The following SUGCT variants were observed in gnomAD, a reference collection of about 807,000 sequenced individuals.
SUGCT encodes succinyl-CoA:glutarate-CoA transferase.
A neutral mutation model predicts 55.0 loss-of-function variants in SUGCT; 41 were observed. The observed-to-expected ratio is 0.74, with a 90% CI of 0.58 to 0.97. SUGCT has a LOEUF of 0.97. Ranked by LOEUF, SUGCT falls within the 50% of genes least tolerant of loss-of-function variation. SUGCT has a pLI of 0.00. For missense variants in SUGCT, 568 were observed against 547.8 expected, an observed-to-expected ratio of 1.04 and a Z score of -0.37; for synonymous variants, 187 against 200.4, an observed-to-expected ratio of 0.93 and a Z score of 0.56.
intron 12 of SUGCT, among the ~76,000 whole-genome samples, chr7:40,634,661 C>T (rs1401309103): frequency 3.3e-5 from 5 of 152,146 alleles, no homozygotes; most frequent in Non-Finnish European, 4.4e-5. Context: ...AGTTTTAAAA[C>T]GCGAGGGAAT....
chr7:40,680,893 C>T (rs1784206849), intron 12 of SUGCT, among the ~76,000 whole-genome samples: 1 of 152,048 alleles, frequency 6.6e-6, no homozygotes, highest in Non-Finnish European at 1.5e-5. Context: ...AGCACCATGT[C>T]CACACTTAAC....
At chr7:40,865,627 C>T (rs1243888934), downstream of SUGCT, among the ~76,000 whole-genome samples, 4 of 152,170 alleles carry the variant, frequency 2.6e-5, no homozygotes, top group Non-Finnish European at 4.4e-5. Context: ...CAGCTTGGGT[C>T]TTGCTGTTGT....
At chr7:40,552,939 C>T (rs977658761) in intron 12 of SUGCT, among the ~76,000 whole-genome samples, 1 of 152,108 alleles carries the variant, frequency 6.6e-6, no homozygotes, top group Non-Finnish European at 1.5e-5. Context: ...TTGCATCTTT[C>T]GTTCCCTATT....
intron 12 of SUGCT, among the ~76,000 whole-genome samples, chr7:40,710,686 T>A (rs940140456): frequency 2.0e-5 from 3 of 152,158 alleles, no homozygotes; most frequent in African/African-American, 7.2e-5. Flanking sequence ...AAAAAAGAGA[T>A]GCTACAACTA....
the SUGCT span, among the ~76,000 whole-genome samples, chr7:40,874,070 A>G: frequency 6.6e-6 from 1 of 152,256 alleles, no homozygotes; most frequent in Admixed American, 6.5e-5. Flanking sequence ...TCTTAAGTAA[A>G]CAAATTTAGT....
chr7:40,773,729 G>A (rs1471720914), intron 13 of SUGCT, among the ~76,000 whole-genome samples: 2 of 152,138 alleles, frequency 1.3e-5, no homozygotes, highest in Non-Finnish European at 2.9e-5. Flanking sequence ...AAGTGTTTTT[G>A]TCATTCCGTT....
chr7:40,395,837 C>T (rs1191988475), intron 9 of SUGCT, among the ~76,000 whole-genome samples: 1 of 152,040 alleles, frequency 6.6e-6, no homozygotes, highest in Non-Finnish European at 1.5e-5. Flanking sequence ...TTATCATTCT[C>T]CTAAAAAAAT....
At chr7:40,789,637 C>A (rs973449112) in intron 13 of SUGCT, among the ~76,000 whole-genome samples, 7 of 152,088 alleles carry the variant, frequency 4.6e-5, no homozygotes, top group African/African-American at 1.7e-4. Flanking sequence ...GATAAATACC[C>A]AGGAGTGGGA....
intron 9 of SUGCT, chr7:40,387,949 G>A (rs1483446244): frequency 6.6e-6 from 1 of 152,146 alleles, no homozygotes; most frequent in Admixed American, 6.5e-5. Flanking sequence ...GCCTGTAAGC[G>A]GATGAGTTGG....
the SUGCT span, among the ~76,000 whole-genome samples, chr7:40,969,790 A>G: frequency 6.6e-6 from 1 of 152,180 alleles, no homozygotes; most frequent in Non-Finnish European, 1.5e-5. Context: ...ATCTGAGTTG[A>G]CATTTATTTC....
intron 9 of SUGCT, among the ~76,000 whole-genome samples, chr7:40,439,106 A>C (rs1247145098): frequency 7.6e-5 from 10 of 132,018 alleles, no homozygotes; most frequent in Non-Finnish European, 1.6e-4. Flanking sequence ...ATATATATAT[A>C]TATATGGATA....
intron 12 of SUGCT, among the ~76,000 whole-genome samples, chr7:40,641,553 T>C (rs1172134690): frequency 6.6e-6 from 1 of 152,132 alleles, no homozygotes; most frequent in African/African-American, 2.4e-5. Context: ...TTTCCTTACT[T>C]TGGCAACACA....
chr7:40,274,745 A>G, intron 8 of SUGCT, 89 bp downstream of exon 8: 1 of 1,227,484 alleles, frequency 8.1e-7, no homozygotes, highest in Non-Finnish European at 1.2e-6. Flanking sequence ...TCACATGTAC[A>G]AAAACAATAC....
At chr7:40,869,439 G>A in the SUGCT span, among the ~76,000 whole-genome samples, 1 of 152,174 alleles carries the variant, frequency 6.6e-6, no homozygotes, top group African/African-American at 2.4e-5. Flanking sequence ...ACAAGGAGCT[G>A]AATTCTGCCA....
intron 13 of SUGCT, among the ~76,000 whole-genome samples, chr7:40,842,457 A>G (rs893632187): frequency 3.9e-5 from 6 of 152,188 alleles, no homozygotes; most frequent in African/African-American, 1.4e-4. Context: ...TAACATCTAA[A>G]CAAATTAAAT....
chr7:40,946,221 C>T, the SUGCT span, among the ~76,000 whole-genome samples: 2 of 151,760 alleles, frequency 1.3e-5, no homozygotes, highest in Admixed American at 6.6e-5. Context: ...CTTTATACTA[C>T]CTAGGGAAAG....
chr7:40,444,774 G>A (rs1326812894), intron 9 of SUGCT, among the ~76,000 whole-genome samples: 1 of 152,138 alleles, frequency 6.6e-6, no homozygotes, highest in Non-Finnish European at 1.5e-5. Context: ...AATAGGAGTG[G>A]TGAGAGAGGG....
chr7:40,423,699 C>T (rs1583646936), intron 9 of SUGCT, among the ~76,000 whole-genome samples: 1 of 152,046 alleles, frequency 6.6e-6, no homozygotes, highest in South Asian at 2.1e-4. Flanking sequence ...CTATCATAAA[C>T]TATCCATCTT....
At chr7:41,030,485 T>C in the SUGCT span, among the ~76,000 whole-genome samples, 2 of 152,206 alleles carry the variant, frequency 1.3e-5, no homozygotes, top group African/African-American at 2.4e-5. Flanking sequence ...GGTTATAAAA[T>C]AATAAGCAAA....
Sources: gnomAD v4.1 joint callset for allele counts (sites outside exome capture counted in the v4.1 genomes callset) on GRCh38, gnomAD v4.1.1 for gene constraint, MANE v1.5 for transcripts, NCBI Gene and HGNC (gene_info 2026-07-23, HGNC 2026-07-21) for gene names.